The following CDKAL1 variants were observed in gnomAD, a reference collection of about 807,000 sequenced individuals.
CDKAL1 encodes the protein threonylcarbamoyladenosine tRNA methylthiotransferase.
Under a neutral mutation model 68.2 loss-of-function variants are expected in CDKAL1, and 32 were observed. The ratio of observed to expected loss-of-function variants is 0.47; its 90% CI spans 0.35 to 0.63. The LOEUF is 0.63. CDKAL1 is among the 30% of genes least tolerant of loss of function. The probability of loss-of-function intolerance (pLI) is 0.00; values close to 1 mark genes in which losing one functional copy is unlikely to be tolerated. For synonymous variants in CDKAL1, 234 were observed against 244.3 expected (o/e 0.96, Z 0.39); for missense variants, 606 against 696.7 (o/e 0.87, Z 1.47).
chr6:20,602,935 T>C (rs1466100184), intron 4 of CDKAL1, among the ~76,000 whole-genome samples: 1 of 152,206 alleles, frequency 6.6e-6, no homozygotes, highest in African/African-American at 2.4e-5. Flanking sequence ...AATTTTTGTT[T>C]TGGGTCTCCT....
At chr6:20,929,804 G>A (rs11970010) in intron 9 of CDKAL1, among the ~76,000 whole-genome samples, 68,006 of 151,892 alleles carry the variant, frequency 0.45, 16,670 homozygotes, top group East Asian at 0.63. Context: ...ATTCCCATCA[G>A]CTGAGGGCTG....
intron 4 of CDKAL1, among the ~76,000 whole-genome samples, chr6:20,554,206 A>G (rs143480012): frequency 6.6e-6 from 1 of 152,370 alleles, no homozygotes; most frequent in African/African-American, 2.4e-5. Flanking sequence ...GTTAGCCCCT[A>G]AAACTCAGAA....
intron 12 of CDKAL1, among the ~76,000 whole-genome samples, chr6:21,101,553 A>G (rs539872574): frequency 1.3e-5 from 2 of 151,896 alleles, no homozygotes; most frequent in African/African-American, 4.8e-5. Context: ...TGCCTCCCTC[A>G]CTCTACATTC....
chr6:20,831,746 A>G (rs1777726897), intron 8 of CDKAL1, among the ~76,000 whole-genome samples: 1 of 152,244 alleles, frequency 6.6e-6, no homozygotes, highest in African/African-American at 2.4e-5. Flanking sequence ...GTTGCATAGA[A>G]TAAGAGAAGA....
At chr6:20,742,097 C>T (rs550874003) in intron 6 of CDKAL1, among the ~76,000 whole-genome samples, 10 of 152,176 alleles carry the variant, frequency 6.6e-5, no homozygotes, top group Admixed American at 3.3e-4. Context: ...TTGTTAGCCG[C>T]GTGTATGTCT....
At position 21,003,455 on chromosome 6, in the gene CDKAL1, A is replaced by G. The variant is rs1582006831; in HGVS notation, c.1055+3083A>G. Among the ~76,000 whole-genome samples, 3 of 148,510 alleles carry G rather than the reference A, an allele frequency of 2.0e-5. No individual in the cohort carries two copies. The East Asian group carries it at 6.0e-4, about 30-fold the overall frequency. On this transcript the variant is annotated intron_variant, in intron 11 of 15. Transcript: ENST00000274695. ...GTGGCACGTGCCTGTAATCCCAGCTACTGGGGAGGCTGAGGCAGGAGAATC... is the reference window on the plus strand; with the variant it reads ...GTGGCACGTGCCTGTAATCCCAGCTGCTGGGGAGGCTGAGGCAGGAGAATC...
chr6:21,157,181 AGTG>A (rs2151058041), intron 13 of CDKAL1, among the ~76,000 whole-genome samples: 2 of 152,308 alleles, frequency 1.3e-5, no homozygotes, highest in African/African-American at 4.8e-5. Flanking sequence ...CCTAGCCAGC[AGTG>A]TTAGAATGAT....
At chr6:20,639,497 C>T (rs1356264187) in intron 4 of CDKAL1, among the ~76,000 whole-genome samples, 4 of 152,136 alleles carry the variant, frequency 2.6e-5, no homozygotes, top group African/African-American at 4.8e-5. Context: ...TCCCAGCGCT[C>T]CAACCCTAGC....
chr6:20,652,606 C>G (rs557926906), intron 5 of CDKAL1, among the ~76,000 whole-genome samples: 3 of 152,236 alleles, frequency 2.0e-5, no homozygotes, highest in Admixed American at 6.5e-5. Flanking sequence ...TAATCGGCCC[C>G]CTGTGCCCCT....
intron 9 of CDKAL1, among the ~76,000 whole-genome samples, chr6:20,899,766 C>T (rs1761872939): frequency 6.6e-6 from 1 of 152,158 alleles, no homozygotes; most frequent in Non-Finnish European, 1.5e-5. Flanking sequence ...TCACTTGAAC[C>T]CAGGAGGCAG....
At chr6:20,644,035 G>A (rs914794770) in intron 4 of CDKAL1, among the ~76,000 whole-genome samples, 15 of 151,198 alleles carry the variant, frequency 9.9e-5, no homozygotes, top group Non-Finnish European at 2.1e-4. Flanking sequence ...ATTTTGCCAC[G>A]TTGGTCAGGC....
intron 13 of CDKAL1, among the ~76,000 whole-genome samples, chr6:21,147,607 G>A (rs963688754): frequency 1.1e-4 from 17 of 152,158 alleles, no homozygotes; most frequent in African/African-American, 3.1e-4. Flanking sequence ...CTTGAGTCCT[G>A]TGGGATCCTG....
At chr6:21,103,810 A>T (rs1265910082) in intron 12 of CDKAL1, among the ~76,000 whole-genome samples, 2 of 152,178 alleles carry the variant, frequency 1.3e-5, no homozygotes, top group Non-Finnish European at 2.9e-5. Flanking sequence ...ATGCTTGGAG[A>T]GCTAACAGGT....
intron 5 of CDKAL1, among the ~76,000 whole-genome samples, chr6:20,686,841 A>ACTAG (rs1354175567): frequency 6.6e-6 from 1 of 152,140 alleles, no homozygotes; most frequent in Non-Finnish European, 1.5e-5. Context: ...AGTCTTTTTA[A>ACTAG]CTAGTTGAAG....
rs146478414 is a variant in CDKAL1, at chr6:20,846,310, A to G, written c.742+132A>G. On this transcript the variant is annotated intron_variant, in intron 9 of 15. Transcript: ENST00000274695. ...GTTTTACAAATATACGAACTTAATT[A>G]ATAAAAGATGTGACCAGAGTTAATC... 517 of 589,296 alleles carry G rather than the reference A, an allele frequency of 8.8e-4. 5 individuals carry two copies. The highest frequency in any genetic ancestry group is 8.3e-3 in the African/African-American group (438 of 53,084). 36.5% of individuals were successfully genotyped at this position (589,296 alleles called of 1,614,324 possible).
At chr6:20,725,234 C>T (rs1330214650) in intron 5 of CDKAL1, among the ~76,000 whole-genome samples, 1 of 150,694 alleles carries the variant, frequency 6.6e-6, no homozygotes, top group Non-Finnish European at 1.5e-5. Flanking sequence ...GGGAGGTGAA[C>T]TAATTATAGA....
intron 5 of CDKAL1, among the ~76,000 whole-genome samples, chr6:20,689,996 C>T (rs960599055): frequency 1.3e-5 from 2 of 152,152 alleles, no homozygotes; most frequent in Non-Finnish European, 2.9e-5. Flanking sequence ...TGAAAAATAA[C>T]TTTCACATTG....
At chr6:20,725,779 C>T (rs768719438) in intron 5 of CDKAL1, among the ~76,000 whole-genome samples, 5 of 135,670 alleles carry the variant, frequency 3.7e-5, no homozygotes, top group East Asian at 4.6e-4. Flanking sequence ...AGTGAAACTC[C>T]GTCTAAAAAA....
At chr6:20,758,518 G>A in intron 6 of CDKAL1, 77 bp from the exon 7 acceptor site, 2 of 1,199,372 alleles carry the variant, frequency 1.7e-6, no homozygotes, top group Non-Finnish European at 2.4e-6. Flanking sequence ...GTGTAACATT[G>A]ACTCAAGCAT....
Sources: gnomAD v4.1 joint callset for allele counts (sites outside exome capture counted in the v4.1 genomes callset) on GRCh38, gnomAD v4.1.1 for gene constraint, MANE v1.5 for transcripts, NCBI Gene and HGNC (gene_info 2026-07-23, HGNC 2026-07-21) for gene names.